The following NOS1AP variants were observed in gnomAD, a reference collection of about 807,000 sequenced individuals.
NOS1AP encodes the protein carboxyl-terminal PDZ ligand of neuronal nitric oxide synthase protein.
In NOS1AP, 21 loss-of-function variants were observed where a neutral mutation model predicts 56.2. The observed-to-expected ratio is 0.37, with a 90% confidence interval of 0.26 to 0.54. The LOEUF is 0.54. NOS1AP is among the 20% of genes least tolerant of loss of function. The probability of loss-of-function intolerance (pLI) is 0.84; values close to 1 mark genes in which losing one functional copy is unlikely to be tolerated. For missense variants in NOS1AP, 522 were observed against 657.8 expected (o/e 0.79, Z 2.26); for synonymous variants, 270 against 274.6 (o/e 0.98, Z 0.17).
intron 1 of NOS1AP, among the ~76,000 whole-genome samples, chr1:162,147,729 A>C (rs564326408): frequency 6.6e-6 from 1 of 152,272 alleles, no homozygotes; most frequent in Non-Finnish European, 1.5e-5. Flanking sequence ...CTGGAAGATA[A>C]GATAGAACAG....
At chr1:162,363,294 T>C (rs1486766428) in intron 8 of NOS1AP, 1 of 152,650 alleles carries the variant, frequency 6.6e-6, no homozygotes, top group Non-Finnish European at 1.5e-5. Flanking sequence ...TTTACTGGTT[T>C]ATTTTAAAGG....
At chr1:162,345,686 T>C (rs539176056) in intron 6 of NOS1AP, among the ~76,000 whole-genome samples, 5 of 152,218 alleles carry the variant, frequency 3.3e-5, no homozygotes, top group Non-Finnish European at 5.9e-5. Flanking sequence ...TTGCTTTGCA[T>C]TGTAGCTGCA....
At chr1:162,282,401 G>C (rs1221425465) in intron 2 of NOS1AP, among the ~76,000 whole-genome samples, 1 of 152,144 alleles carries the variant, frequency 6.6e-6, no homozygotes, top group Non-Finnish European at 1.5e-5. Context: ...ACTTTTTAAG[G>C]CTGAATAATA....
At chr1:162,085,729 C>A (rs1691986951) in intron 1 of NOS1AP, among the ~76,000 whole-genome samples, 1 of 152,054 alleles carries the variant, frequency 6.6e-6, no homozygotes, top group Non-Finnish European at 1.5e-5. Context: ...GTGTTGAAGG[C>A]CAGAGAGAGA....
At chr1:162,180,000 G>A (rs1192429947) in intron 2 of NOS1AP, among the ~76,000 whole-genome samples, 1 of 152,192 alleles carries the variant, frequency 6.6e-6, no homozygotes, top group Non-Finnish European at 1.5e-5. Context: ...CTGGAGCCAT[G>A]ACAGTGGGAA....
intron 1 of NOS1AP, among the ~76,000 whole-genome samples, chr1:162,117,044 GCTT>G (rs1409121563): frequency 3.1e-4 from 47 of 152,142 alleles, no homozygotes; most frequent in African/African-American, 1.1e-3. Context: ...CTCTCATGAA[GCTT>G]CTTGCAGATA....
chr1:162,132,785 C>T lies in NOS1AP; in HGVS notation c.106-21620C>T, dbSNP rs541552448. On this transcript the variant is annotated intron_variant, in intron 1 of 9. Coordinates refer to ENST00000361897, the MANE Select transcript of NOS1AP (RefSeq NM_014697.3). Reference sequence around the variant, plus strand: ...CCCTGCAAATCTATGAGTGACCCCTCCCAGGTTCCACACTCCTTCAGTTTT... The same window carrying T: ...CCCTGCAAATCTATGAGTGACCCCTTCCAGGTTCCACACTCCTTCAGTTTT... 5.9e-5 allele frequency among the ~76,000 whole-genome samples: 9 copies of T among 152,320 alleles called. No individual in the cohort carries two copies. The South Asian group carries it at 1.9e-3, about 32-fold the overall frequency.
intron 2 of NOS1AP, among the ~76,000 whole-genome samples, chr1:162,275,009 T>C (rs2101723109): frequency 6.6e-6 from 1 of 152,328 alleles, no homozygotes; most frequent in Admixed American, 6.5e-5. Flanking sequence ...TTTTTCCCAG[T>C]CTATTACTTG....
At chr1:162,104,107 G>A (rs1647406654) in intron 1 of NOS1AP, among the ~76,000 whole-genome samples, 1 of 152,168 alleles carries the variant, frequency 6.6e-6, no homozygotes, top group Non-Finnish European at 1.5e-5. Context: ...GTCTGTTGGT[G>A]ACAAATTCCC....
intron 2 of NOS1AP, among the ~76,000 whole-genome samples, chr1:162,155,440 CATATAT>C (rs141153683): frequency 2.1e-5 from 3 of 145,858 alleles, no homozygotes; most frequent in Non-Finnish European, 3.0e-5. Context: ...TACATATATA[CATATAT>C]ATATATATAT....
intron 1 of NOS1AP, among the ~76,000 whole-genome samples, chr1:162,100,501 T>C (rs1262008127): frequency 2.0e-5 from 3 of 152,202 alleles, no homozygotes; most frequent in African/African-American, 4.8e-5. Flanking sequence ...TCTTGTAAAT[T>C]TGTTTGAGTT....
intron 1 of NOS1AP, among the ~76,000 whole-genome samples, chr1:162,097,933 T>C (rs990894793): frequency 1.3e-5 from 2 of 151,956 alleles, no homozygotes; most frequent in African/African-American, 2.4e-5. Flanking sequence ...TGGGTTGAGA[T>C]TTTTAATCAG....
chr1:162,259,952 C>T (rs1410170340), intron 2 of NOS1AP, among the ~76,000 whole-genome samples: 1 of 151,964 alleles, frequency 6.6e-6, no homozygotes, highest in Admixed American at 6.6e-5. Context: ...TATCTAACAG[C>T]TTACTTATTC....
intron 4 of NOS1AP, among the ~76,000 whole-genome samples, chr1:162,320,023 G>A (rs1399666789): frequency 6.6e-6 from 1 of 152,056 alleles, no homozygotes; most frequent in Non-Finnish European, 1.5e-5. Flanking sequence ...CCTCCTCCGC[G>A]TTTCACTGGC....
chr1:162,159,243 A>T (rs984205016), intron 2 of NOS1AP, among the ~76,000 whole-genome samples: 1 of 152,182 alleles, frequency 6.6e-6, no homozygotes, highest in Non-Finnish European at 1.5e-5. Context: ...TCAATGAGGA[A>T]TAATGAGAGC....
chr1:162,074,500 G>A (rs1444422663), intron 1 of NOS1AP, among the ~76,000 whole-genome samples: 1 of 152,134 alleles, frequency 6.6e-6, no homozygotes, highest in African/African-American at 2.4e-5. Context: ...TACAGATGAG[G>A]AAATTGAAGT....
rs1175488377 is a variant in NOS1AP, at chr1:162,367,513, C to G, written c.*46C>G. Reference sequence around the variant, plus strand: ...GAGGCGGCGGCGTGGCTGGAGGGGCCGTGTCTGGCTGCTGCCCGGGTAGGG... The same window carrying G: ...GAGGCGGCGGCGTGGCTGGAGGGGCGGTGTCTGGCTGCTGCCCGGGTAGGG... On this transcript the variant is annotated 3_prime_UTR_variant, in exon 10 of 10. Transcript: ENST00000361897. This position sits in a 1 kb window ranked among gnomAD's most constrained non-coding sequence, Gnocchi z 6.5. The G allele has an allele frequency of 6.6e-7, 1 of 1,506,936 alleles. No homozygotes were observed. Among genetic ancestry groups the G allele is most frequent in the Non-Finnish European group, 8.9e-7 (1 of 1,127,028 alleles). The allele number at this position is 1,506,936 out of a possible 1,614,324, so 93.3% of individuals were successfully genotyped here. A position where few individuals can be genotyped will look rare whatever the true frequency, so the allele number is the denominator to read the frequency against.
chr1:162,209,894 G>A (rs537315819), intron 2 of NOS1AP, among the ~76,000 whole-genome samples: 25 of 152,278 alleles, frequency 1.6e-4, no homozygotes, highest in Admixed American at 1.6e-3. Flanking sequence ...GATGAAGAAA[G>A]CTTAGGAGGG....
chr1:162,254,488 A>T (rs1180803780), intron 2 of NOS1AP, among the ~76,000 whole-genome samples: 1 of 152,214 alleles, frequency 6.6e-6, no homozygotes, highest in Admixed American at 6.5e-5. Flanking sequence ...ATGGAGCACG[A>T]GAGACATGGA....
Sources: allele counts gnomAD v4.1 joint callset (sites outside exome capture counted in the v4.1 genomes callset), GRCh38; gene constraint gnomAD v4.1.1; non-coding constraint Gnocchi (gnomAD v3.1); transcripts MANE v1.5; gene names NCBI Gene and HGNC (gene_info 2026-07-23, HGNC 2026-07-21).